FAM135B: variants seen among roughly 807,000 people sequenced by gnomAD.
FAM135B encodes the protein protein FAM135B.
Under a neutral mutation model 127.7 loss-of-function variants are expected in FAM135B, and 43 were observed. That is an observed-to-expected ratio of 0.34 (90% CI 0.26 to 0.43). FAM135B has a LOEUF of 0.43. Among genes scored for constraint, FAM135B ranks in the 20% least tolerant of loss-of-function variants. The pLI, the probability that FAM135B is intolerant of heterozygous loss-of-function variation, is 1.00. For missense variants in FAM135B, 1,558 were observed against 1,725.6 expected (o/e 0.90, Z 1.72); for synonymous variants, 670 against 665.1 (o/e 1.01, Z -0.11).
At chr8:138,193,481 C>T (rs1233123597) in intron 9 of FAM135B, among the ~76,000 whole-genome samples, 4 of 152,184 alleles carry the variant, frequency 2.6e-5, no homozygotes, top group Non-Finnish European at 4.4e-5. Flanking sequence ...CACGAATCAG[C>T]TCTTCAGCCT....
At chr8:138,443,209 C>T (rs1026980403) in intron 1 of FAM135B, among the ~76,000 whole-genome samples, 1 of 152,086 alleles carries the variant, frequency 6.6e-6, no homozygotes, top group Non-Finnish European at 1.5e-5. Flanking sequence ...TTTTATCAAT[C>T]CCCCCAAATA....
At chr8:138,349,816 CAT>C (rs1421643444) in intron 2 of FAM135B, among the ~76,000 whole-genome samples, 2 of 152,132 alleles carry the variant, frequency 1.3e-5, no homozygotes, top group Non-Finnish European at 2.9e-5. Context: ...TTCAAGAATC[CAT>C]AAGTTCTGCA....
intron 2 of FAM135B, among the ~76,000 whole-genome samples, chr8:138,360,699 C>A (rs1830365332): frequency 6.6e-6 from 1 of 152,154 alleles, no homozygotes; most frequent in Admixed American, 6.5e-5. Context: ...CACCTCGGTC[C>A]CACTGTGAAG....
chr8:138,188,177 CTT>C (rs996199962), intron 9 of FAM135B, among the ~76,000 whole-genome samples: 32 of 152,306 alleles, frequency 2.1e-4, no homozygotes, highest in African/African-American at 7.0e-4. Flanking sequence ...CATCAGCACT[CTT>C]TGCAATATTC....
At chr8:138,139,711 A>G (rs1816962150) in intron 17 of FAM135B, among the ~76,000 whole-genome samples, 1 of 152,202 alleles carries the variant, frequency 6.6e-6, no homozygotes, top group African/African-American at 2.4e-5. Context: ...GCTTGCAGTG[A>G]GTCGAGATTG....
Position 138,317,707 on chromosome 8 carries a change from G to A in FAM135B, c.78-6787C>T, listed in dbSNP as rs1225703175. ...GGAGAAAACGCAAACGCCTACAGGG[G>A]CCAGGCAAATTACAAAAATGAAATT... is the stretch of plus-strand genomic sequence containing the variant. On this transcript the variant is annotated intron_variant, in intron 2 of 19. Coordinates refer to ENST00000395297, the MANE Select transcript of FAM135B (RefSeq NM_015912.4). 2.6e-5 allele frequency among the ~76,000 whole-genome samples: 4 copies of A among 152,220 alleles called. No homozygotes were observed. The East Asian group carries it at 7.7e-4, about 29-fold the overall frequency.
At chr8:138,445,648 G>T (rs182984379) in intron 1 of FAM135B, among the ~76,000 whole-genome samples, 1 of 152,020 alleles carries the variant, frequency 6.6e-6, no homozygotes, top group Non-Finnish European at 1.5e-5. Context: ...TTGATGGGAC[G>T]TATCTCAAAA....
intron 11 of FAM135B, among the ~76,000 whole-genome samples, chr8:138,174,943 G>C (rs1814302841): frequency 6.6e-6 from 1 of 152,026 alleles, no homozygotes; most frequent in South Asian, 2.1e-4. Context: ...ATTCACTGTT[G>C]AATATCCAGC....
chr8:138,370,205 T>A (rs957602109), intron 1 of FAM135B, among the ~76,000 whole-genome samples: 1 of 152,150 alleles, frequency 6.6e-6, no homozygotes, highest in Non-Finnish European at 1.5e-5. Context: ...AGAGTTAATA[T>A]TTAGAAGACA....
chr8:138,477,071 T>C (rs970750271), intron 1 of FAM135B, among the ~76,000 whole-genome samples: 2 of 152,186 alleles, frequency 1.3e-5, no homozygotes, highest in African/African-American at 2.4e-5. Context: ...CCATCCAATA[T>C]ACATCGTCCT....
intron 1 of FAM135B, among the ~76,000 whole-genome samples, chr8:138,467,721 T>G (rs1396190807): frequency 1.3e-5 from 2 of 152,218 alleles, no homozygotes; most frequent in Non-Finnish European, 2.9e-5. Flanking sequence ...TTTGGAGGAC[T>G]GTTGTAGATT....
intron 1 of FAM135B, among the ~76,000 whole-genome samples, chr8:138,474,699 T>G (rs1332009295): frequency 2.0e-5 from 3 of 152,210 alleles, no homozygotes; most frequent in African/African-American, 4.8e-5. Context: ...CTGCCTCCTC[T>G]TCCCTTTTTG....
At chr8:138,423,502 C>T (rs144851995) in intron 1 of FAM135B, among the ~76,000 whole-genome samples, 3,736 of 152,028 alleles carry the variant, frequency 0.025, 151 homozygotes, top group African/African-American at 0.082. Context: ...CCCCACAAGC[C>T]GCAAAACCAG....
intron 1 of FAM135B, among the ~76,000 whole-genome samples, chr8:138,402,121 A>T (rs1485595842): frequency 1.3e-5 from 2 of 152,022 alleles, no homozygotes; most frequent in Non-Finnish European, 2.9e-5. Context: ...AGAGAAAACA[A>T]AGAGAAGGAA....
At chr8:138,172,184 G>A (rs1296429273) in intron 11 of FAM135B, among the ~76,000 whole-genome samples, 4 of 152,198 alleles carry the variant, frequency 2.6e-5, no homozygotes, top group African/African-American at 9.7e-5. Context: ...AGTTGGAGTT[G>A]GAGTTGAGTT....
intron 1 of FAM135B, among the ~76,000 whole-genome samples, chr8:138,415,024 G>A (rs1047205571): frequency 1.2e-4 from 18 of 152,228 alleles, no homozygotes; most frequent in Admixed American, 1.1e-3. Context: ...TAATGACTGA[G>A]GATCCTATGG....
At chr8:138,186,313 C>T (rs932909403) in intron 9 of FAM135B, among the ~76,000 whole-genome samples, 1 of 152,216 alleles carries the variant, frequency 6.6e-6, no homozygotes, top group African/African-American at 2.4e-5. Context: ...CAGTGGTCAG[C>T]ACACAGTAGA....
At chr8:138,374,626 AACAGAAT>A (rs1488159097) in intron 1 of FAM135B, among the ~76,000 whole-genome samples, 1 of 152,222 alleles carries the variant, frequency 6.6e-6, no homozygotes, top group African/African-American at 2.4e-5. Flanking sequence ...ATGGAAGAGG[AACAGAAT>A]TCAGCAAGGA....
intron 9 of FAM135B, among the ~76,000 whole-genome samples, chr8:138,190,547 C>A (rs1816021251): frequency 6.6e-6 from 1 of 152,220 alleles, no homozygotes. Flanking sequence ...TGGAAGAACC[C>A]TGCAAAGCTG....
Sources: gnomAD v4.1 joint callset for allele counts (sites outside exome capture counted in the v4.1 genomes callset) on GRCh38, gnomAD v4.1.1 for gene constraint, MANE v1.5 for transcripts, NCBI Gene and HGNC (gene_info 2026-07-23, HGNC 2026-07-21) for gene names.